The following SLC2A14 variants were observed in gnomAD, a reference collection of about 807,000 sequenced individuals.
SLC2A14 encodes the protein solute carrier family 2, facilitated glucose transporter member 14.
A neutral mutation model predicts 43.0 loss-of-function variants in SLC2A14; 13 were observed. That is an observed-to-expected ratio of 0.30 (90% CI 0.20 to 0.48). The LOEUF is 0.48. Ranked by LOEUF, SLC2A14 falls within the 20% of genes least tolerant of loss-of-function variation. The pLI, the probability that SLC2A14 is intolerant of heterozygous loss-of-function variation, is 0.99. For missense variants in SLC2A14, 428 were observed against 620.4 expected (o/e 0.69, Z 3.29); for synonymous variants, 190 against 233.8 (o/e 0.81, Z 1.71).
At chr12:7,851,064 T>A (rs1299387608) in intron 2 of SLC2A14, among the ~76,000 whole-genome samples, 3 of 152,140 alleles carry the variant, frequency 2.0e-5, no homozygotes, top group Non-Finnish European at 4.4e-5. Context: ...CAGAAAGCAT[T>A]TTCTGCAAGC....
chr12:7,862,647 C>T (rs370147007), intron 2 of SLC2A14, among the ~76,000 whole-genome samples: 1 of 152,288 alleles, frequency 6.6e-6, no homozygotes, highest in South Asian at 2.1e-4. Context: ...CAGCTGGGCT[C>T]CTGAGTCTGG....
intron 2 of SLC2A14, among the ~76,000 whole-genome samples, chr12:7,838,222 G>A (rs1302027828): frequency 6.6e-6 from 1 of 151,858 alleles, no homozygotes; most frequent in Non-Finnish European, 1.5e-5. Context: ...AGAGTAGCTG[G>A]GACTACAGGC....
At chr12:7,825,777 A>AAAAG (rs1462135954) in intron 7 of SLC2A14, among the ~76,000 whole-genome samples, 14 of 134,404 alleles carry the variant, frequency 1.0e-4, no homozygotes, top group Non-Finnish European at 1.7e-4. Context: ...AAAAAAAAAA[A>AAAAG]AAAAGAAAGA....
intron 2 of SLC2A14, among the ~76,000 whole-genome samples, chr12:7,852,916 C>T (rs766376454): frequency 1.3e-5 from 2 of 152,110 alleles, no homozygotes; most frequent in Non-Finnish European, 2.9e-5. Context: ...AAGGTTTTCT[C>T]ACTAAAATTC....
At chr12:7,816,097 TA>T (rs1419472843) in intron 10 of SLC2A14, among the ~76,000 whole-genome samples, 2,591 of 106,748 alleles carry the variant, frequency 0.024, 664 homozygotes, top group African/African-American at 0.1. Context: ...TTATTTTTTT[TA>T]TTTTTTTTAT....
chr12:7,822,108 G>A (rs1863968488), intron 7 of SLC2A14, among the ~76,000 whole-genome samples: 2 of 151,852 alleles, frequency 1.3e-5, no homozygotes, highest in South Asian at 2.1e-4. Flanking sequence ...ACAGGCGTGA[G>A]CCACCACGCC....
chr12:7,830,551 G>C (rs1864933795), intron 4 of SLC2A14, among the ~76,000 whole-genome samples: 1 of 152,094 alleles, frequency 6.6e-6, no homozygotes, highest in Non-Finnish European at 1.5e-5. Context: ...TGTGAGGATT[G>C]CTTGAGACTG....
upstream of SLC2A14, among the ~76,000 whole-genome samples, chr12:7,874,701 T>C (rs1945382856): frequency 7.0e-6 from 1 of 142,798 alleles, no homozygotes; most frequent in Admixed American, 7.4e-5. Flanking sequence ...TATATAAATA[T>C]ATATAAATAT....
At chr12:7,870,754 C>A in intron 1 of SLC2A14, 1 of 677,394 alleles carries the variant, frequency 1.5e-6, no homozygotes, top group Non-Finnish European at 1.9e-6. Flanking sequence ...CCTCAGAACT[C>A]TTTTAACTCA....
intron 2 of SLC2A14, among the ~76,000 whole-genome samples, chr12:7,844,606 G>A (rs7961037): frequency 0.39 from 58,026 of 150,564 alleles, 11,785 homozygotes; most frequent in East Asian, 0.58. Context: ...GCACAATCTC[G>A]GCTCATTGCA....
intron 1 of SLC2A14, 61 bp from the exon 2 acceptor site, chr12:7,869,998 G>A (rs1945137088): frequency 9.0e-7 from 1 of 1,106,368 alleles, no homozygotes; most frequent in Non-Finnish European, 1.3e-6. Context: ...CTTGAGGGAA[G>A]AGGCTGTGAT....
chr12:7,872,693 G>T, intron 1 of SLC2A14, 114 bp downstream of exon 1: 1 of 843,614 alleles, frequency 1.2e-6, no homozygotes, highest in Non-Finnish European at 1.4e-6. Context: ...TTCTTTCTTA[G>T]CCCGGCCCAC....
chr12:7,851,047 A>G (rs1866898493), intron 2 of SLC2A14, among the ~76,000 whole-genome samples: 1 of 152,190 alleles, frequency 6.6e-6, no homozygotes, highest in Non-Finnish European at 1.5e-5. Flanking sequence ...CACCCTTGGT[A>G]CAACAGCAGA....
At position 7,828,817 on chromosome 12, in the gene SLC2A14, A is replaced by G. The variant is rs1183158753; in HGVS notation, c.563T>C (p.Leu188Pro). Residue 188 changes from leucine (L) to proline (P), a missense_variant, in exon 6 of 11, where the codon CTA (leucine) becomes CCA (proline). Leu to Pro is a moderately conservative substitution (Grantham distance 98). Around this residue, in one of 4 missense-constraint regions of SLC2A14, gnomAD observed 185 missense variants for 275.4 expected, o/e 0.67. Transcript: ENST00000431042. ...ILGSEELWPV[L>P]LGFTILPAIL... The stretch of plus-strand genomic sequence containing the variant: ...AGCTGGAAGGATGGTAAAGCCTAAT[A>G]GCACCGGCCATAGCTCTTCAGACCC... 2 of 1,614,104 alleles carry G rather than the reference A, an allele frequency of 1.2e-6. No homozygotes were observed. The highest frequency in any genetic ancestry group is 1.7e-6 in the Non-Finnish European group (2 of 1,180,044).
At chr12:7,839,922 T>A in intron 2 of SLC2A14, 1 of 68,656 alleles carries the variant, frequency 1.5e-5, no homozygotes, top group Non-Finnish European at 2.6e-5. Context: ...ACCCTGTCTC[T>A]ACAAAAAAAA....
At chr12:7,854,297 C>G (rs1437124277) in intron 2 of SLC2A14, among the ~76,000 whole-genome samples, 1 of 152,066 alleles carries the variant, frequency 6.6e-6, no homozygotes, top group Non-Finnish European at 1.5e-5. Context: ...GGATTTTTCT[C>G]TTTCCCACAC....
intron 2 of SLC2A14, among the ~76,000 whole-genome samples, chr12:7,865,859 G>C (rs908839855): frequency 2.6e-5 from 4 of 152,172 alleles, no homozygotes; most frequent in African/African-American, 9.7e-5. Flanking sequence ...AGTTAGCCAA[G>C]CTATAAATAC....
chr12:7,887,547 G>A (rs1262956209), intron 1 of SLC2A14, among the ~76,000 whole-genome samples: 1 of 150,512 alleles, frequency 6.6e-6, no homozygotes, highest in Admixed American at 6.7e-5. Context: ...AGTGATAGTA[G>A]GTAGATAAAT....
intron 2 of SLC2A14, chr12:7,863,345 C>T: frequency 2.2e-6 from 1 of 452,414 alleles, no homozygotes; most frequent in Non-Finnish European, 4.4e-6. Context: ...CCAGACGCAC[C>T]ACTTTAAGGG....
Sources: allele counts gnomAD v4.1 joint callset (sites outside exome capture counted in the v4.1 genomes callset), GRCh38; gene constraint gnomAD v4.1.1; regional missense constraint gnomAD v4.1.1; transcripts MANE v1.5; gene names NCBI Gene and HGNC (gene_info 2026-07-23, HGNC 2026-07-21).